CFH: variants seen among roughly 807,000 people sequenced by gnomAD.
The protein encoded by CFH is H factor 1 (complement).
A neutral mutation model predicts 147.3 loss-of-function variants in CFH; 53 were observed. The observed-to-expected ratio is 0.36, with a 90% CI of 0.29 to 0.45. CFH has a LOEUF of 0.45. Among genes scored for constraint, CFH ranks in the 20% least tolerant of loss-of-function variants. CFH has a pLI of 1.00. For synonymous variants in CFH, 536 were observed against 489.4 expected (o/e 1.10, Z -1.26); for missense variants, 1,380 against 1,498.0 (o/e 0.92, Z 1.30).
intron 1 of CFH, among the ~76,000 whole-genome samples, chr1:196,663,025 T>C (rs1000375618): frequency 2.6e-5 from 4 of 152,222 alleles, no homozygotes; most frequent in African/African-American, 4.8e-5. Context: ...GAGAAGTCTT[T>C]GTAAATCTAA....
chr1:196,714,662 TATATATAGAGAGAGAGAGAG>T (rs1391912146), intron 10 of CFH, among the ~76,000 whole-genome samples: 1,614 of 36,880 alleles, frequency 0.044, 8 homozygotes, highest in East Asian at 0.12. Context: ...TATATATATA[TATATATAGAGAGAGAGAGAG>T]AGAGAGAGAG....
intron 15 of CFH, among the ~76,000 whole-genome samples, chr1:196,728,894 T>C (rs1669214057): frequency 6.6e-6 from 1 of 152,044 alleles, no homozygotes; most frequent in Admixed American, 6.6e-5. Context: ...TATATGTCTG[T>C]ATGCATGTAT....
chr1:196,681,136 T>C (rs1014653942), intron 6 of CFH, among the ~76,000 whole-genome samples: 1 of 151,854 alleles, frequency 6.6e-6, no homozygotes, highest in African/African-American at 2.4e-5. Flanking sequence ...AGTGAATTTA[T>C]CCATGCAGTA....
intron 19 of CFH, among the ~76,000 whole-genome samples, 153 bp downstream of exon 19, chr1:196,742,204 G>A (rs1362087653): frequency 2.0e-5 from 3 of 151,934 alleles, no homozygotes; most frequent in South Asian, 2.1e-4. Context: ...GTGAAAACCC[G>A]TCTCTACTAA....
chr1:196,714,660 T>C (rs1391988407), intron 10 of CFH, among the ~76,000 whole-genome samples: 1 of 43,504 alleles, frequency 2.3e-5, no homozygotes. Flanking sequence ...TATATATATA[T>C]ATATATATAG....
chr1:196,656,699 T>C (rs1292741257), intron 1 of CFH, among the ~76,000 whole-genome samples: 1 of 151,774 alleles, frequency 6.6e-6, no homozygotes, highest in Non-Finnish European at 1.5e-5. Context: ...TTTTTTTTTT[T>C]TTCTCTATTT....
At chr1:196,712,268 G>C (rs1221011158) in intron 9 of CFH, among the ~76,000 whole-genome samples, 2 of 151,770 alleles carry the variant, frequency 1.3e-5, no homozygotes, top group African/African-American at 4.8e-5. Context: ...TAAATTGTCT[G>C]TACTGATTGT....
At chr1:196,699,631 C>T (rs189517656) in intron 9 of CFH, among the ~76,000 whole-genome samples, 14 of 152,218 alleles carry the variant, frequency 9.2e-5, no homozygotes, top group Admixed American at 5.9e-4. Flanking sequence ...TAGAAGTTAA[C>T]ATTTTACACT....
At position 196,675,811 on chromosome 1, in the gene CFH, C is replaced by CAG. The variant is rs56237321; in HGVS notation, c.351-175_351-174dup. Among the ~76,000 whole-genome samples the CAG allele has an allele frequency of 2.9e-3, 441 of 151,810 alleles. 2 individuals are homozygous for CAG. The highest frequency in any genetic ancestry group is 0.021 in the East Asian group (106 of 5,150). On this transcript the variant is annotated intron_variant, in intron 3 of 21. Transcript: ENST00000367429. ...CTAGAGAACGTTAAGAAATCTAAGA[C>CAG]AGAGTGAAGGAGGAGGAGAAGGAGG...
chr1:196,695,878 C>G (rs1668247116), intron 9 of CFH, among the ~76,000 whole-genome samples: 2 of 152,086 alleles, frequency 1.3e-5, no homozygotes, highest in South Asian at 2.1e-4. Context: ...CCTGAAGTTA[C>G]TTATCAGCTT....
chr1:196,686,837 A>G (rs1000375395), intron 7 of CFH, among the ~76,000 whole-genome samples: 1 of 152,136 alleles, frequency 6.6e-6, no homozygotes, highest in African/African-American at 2.4e-5. Flanking sequence ...GACAAGATAG[A>G]GGAGTTGATG....
intron 15 of CFH, among the ~76,000 whole-genome samples, chr1:196,729,512 T>C (rs1453156194): frequency 1.3e-5 from 2 of 152,010 alleles, no homozygotes; most frequent in African/African-American, 4.8e-5. Flanking sequence ...GTTGAGGGGT[T>C]TTGTACCTAT....
chr1:196,654,435 CCTT>C (rs989102108), intron 1 of CFH, among the ~76,000 whole-genome samples: 1 of 152,024 alleles, frequency 6.6e-6, no homozygotes, highest in Non-Finnish European at 1.5e-5. Context: ...TTAATTGCCT[CCTT>C]GTTTTAACAG....
chr1:196,747,149 A>T lies in CFH; in HGVS notation c.3532A>T (p.Asn1178Tyr), dbSNP rs1653040605. The change falls in exon 22 of 22, where the codon AAC (asparagine) becomes TAC (tyrosine). Residue 1178 changes from asparagine (N) to tyrosine (Y), a missense_variant. Coordinates refer to ENST00000367429, the MANE Select transcript of CFH (RefSeq NM_000186.4). ...VISREIMENY[N>Y]IALRWTAKQK... ...ATCCCGAGAAATTATGGAAAATTAT[A>T]ACATAGCATTAAGGTGGACAGCCAA... 1 of 1,613,870 alleles carries T rather than the reference A, an allele frequency of 6.2e-7. No individual in the cohort carries two copies. The highest frequency in any genetic ancestry group is 8.5e-7 in the Non-Finnish European group (1 of 1,179,836).
chr1:196,695,432 AG>A (rs1353077101), intron 9 of CFH, among the ~76,000 whole-genome samples: 1 of 152,172 alleles, frequency 6.6e-6, no homozygotes, highest in African/African-American at 2.4e-5. Flanking sequence ...GTTTGAAATC[AG>A]GTAGCGTGAT....
chr1:196,741,502 C>T (rs1170440738), intron 18 of CFH: 1 of 281,848 alleles, frequency 3.5e-6, no homozygotes, highest in Non-Finnish European at 6.8e-6. Context: ...CAATCACTTC[C>T]CACCAGGTCT....
intron 9 of CFH, among the ~76,000 whole-genome samples, chr1:196,696,078 A>G (rs10922100): frequency 0.65 from 98,210 of 151,912 alleles, 32,192 homozygotes; most frequent in East Asian, 0.95. Context: ...AAATTAACAA[A>G]GATATTCCCA....
chr1:196,734,855 G>A (rs994842490), intron 15 of CFH, among the ~76,000 whole-genome samples: 5 of 151,874 alleles, frequency 3.3e-5, no homozygotes, highest in African/African-American at 1.2e-4. Flanking sequence ...GTTTTATTAT[G>A]TTTTACTGAT....
At chr1:196,713,302 A>G (rs567684463) in intron 9 of CFH, among the ~76,000 whole-genome samples, 1 of 152,268 alleles carries the variant, frequency 6.6e-6, no homozygotes, top group Non-Finnish European at 1.5e-5. Context: ...GGCTATGAAA[A>G]TTATTTTGGC....
Sources: allele counts gnomAD v4.1 joint callset (sites outside exome capture counted in the v4.1 genomes callset), GRCh38; gene constraint gnomAD v4.1.1; transcripts MANE v1.5; gene names NCBI Gene and HGNC (gene_info 2026-07-23, HGNC 2026-07-21).